Variants in RGS7BP observed in about 807,000 individuals in gnomAD.
RGS7BP encodes the protein regulator of G protein signaling 7-binding protein.
RGS7BP carries 9 observed loss-of-function variants against 31.3 expected under a neutral mutation model. That is an observed-to-expected ratio of 0.29 (90% confidence interval 0.17 to 0.50). The LOEUF (loss-of-function observed/expected upper bound fraction) is 0.50. Among genes scored for constraint, RGS7BP ranks in the 20% least tolerant of loss-of-function variants. The pLI, the probability that RGS7BP is intolerant of heterozygous loss-of-function variation, is 0.98. For missense variants in RGS7BP, 274 were observed against 322.0 expected (o/e 0.85, Z 1.14); for synonymous variants, 115 against 120.1 (o/e 0.96, Z 0.28).
Position 64,575,876 on chromosome 5 carries a change from G to T in RGS7BP, c.435G>T (p.Leu145=), listed in dbSNP as rs747267722. ...YTTEMLKSIC[L]LGSLQFHRKG... ...CAGAGATGCTAAAATCCATATGTCT[G>T]CTGGGGTCTCTTCAGTTTCATCGAA... The change falls in exon 3 of 6, where the codon CTG becomes CTT. Residue 145 remains leucine, a synonymous_variant. Transcript: ENST00000334025. 8 of 1,612,548 alleles carry T rather than the reference G, an allele frequency of 5.0e-6. No individual in the cohort carries two copies. Among genetic ancestry groups the T allele is most frequent in the African/African-American group, 1.3e-5 (1 of 74,804 alleles).
chr5:64,533,187 T>C (rs1308746253), intron 2 of RGS7BP, among the ~76,000 whole-genome samples: 1 of 152,164 alleles, frequency 6.6e-6, no homozygotes, highest in African/African-American at 2.4e-5. Context: ...GACCTTCATC[T>C]TCCACCTGCA....
At chr5:64,570,796 A>G (rs1742284965) in intron 2 of RGS7BP, among the ~76,000 whole-genome samples, 1 of 152,176 alleles carries the variant, frequency 6.6e-6, no homozygotes, top group South Asian at 2.1e-4. Context: ...ACATTTTACG[A>G]TATTTGCTTT....
intron 2 of RGS7BP, among the ~76,000 whole-genome samples, chr5:64,535,764 A>G (rs1189217820): frequency 6.6e-6 from 1 of 152,212 alleles, no homozygotes; most frequent in African/African-American, 2.4e-5. Flanking sequence ...TGGAGATTAA[A>G]TGGTCCTGCC....
chr5:64,586,143 T>G (rs1742744978), intron 3 of RGS7BP, among the ~76,000 whole-genome samples: 1 of 152,204 alleles, frequency 6.6e-6, no homozygotes, highest in Non-Finnish European at 1.5e-5. Flanking sequence ...AAACAAGTAC[T>G]GAATTCTGAG....
intron 2 of RGS7BP, among the ~76,000 whole-genome samples, chr5:64,552,034 T>C (rs1741806690): frequency 6.6e-6 from 1 of 152,224 alleles, no homozygotes; most frequent in African/African-American, 2.4e-5. Context: ...GCTGGATATG[T>C]GCCTTTATCA....
At chr5:64,514,934 C>G (rs1394390864) in intron 2 of RGS7BP, among the ~76,000 whole-genome samples, 3 of 152,176 alleles carry the variant, frequency 2.0e-5, no homozygotes, top group African/African-American at 7.2e-5. Context: ...AGTTTAGCCA[C>G]TTTATGTTTT....
At chr5:64,533,872 C>T (rs1410917439) in intron 2 of RGS7BP, among the ~76,000 whole-genome samples, 3 of 152,124 alleles carry the variant, frequency 2.0e-5, no homozygotes, top group Admixed American at 2.0e-4. Context: ...TACTATGTAC[C>T]AGGCACTGGG....
intron 5 of RGS7BP, 57 bp from the exon 6 acceptor site, chr5:64,609,104 A>G: frequency 9.0e-7 from 1 of 1,109,186 alleles, no homozygotes; most frequent in South Asian, 1.2e-5. Flanking sequence ...GCCACTTCCT[A>G]AAAAGCAGGT....
chr5:64,572,370 A>AT (rs1287142490), intron 2 of RGS7BP, among the ~76,000 whole-genome samples: 1 of 152,188 alleles, frequency 6.6e-6, no homozygotes, highest in Non-Finnish European at 1.5e-5. Context: ...ATTATAACTC[A>AT]TTTGACAACT....
At position 64,506,810 on chromosome 5, in the gene RGS7BP, T is replaced by A; in HGVS notation, c.165+21T>A. The A allele has an allele frequency of 2.9e-6, 1 of 350,098 alleles. No individual in the cohort carries two copies. The highest frequency in any genetic ancestry group is 4.0e-6 in the Non-Finnish European group (1 of 247,858). The allele number at this position is 350,098 out of a possible 1,614,324, so 21.7% of individuals were successfully genotyped here. On this transcript the variant is annotated intron_variant, in intron 1 of 5. Transcript: ENST00000334025. The surrounding 1 kb of genome is among the most constrained non-coding windows in gnomAD (Gnocchi z 4.6). ...AGATGGTGGGTGAAAACTGCGCCTC[T>A]TTTTTTTTTTTTTTAATTGAGAGGG...
intron 2 of RGS7BP, chr5:64,539,693 T>A (rs1041633208): frequency 2.0e-5 from 3 of 152,174 alleles, no homozygotes; most frequent in African/African-American, 7.2e-5. Context: ...CAGCCTAGGT[T>A]GTAAATGGAG....
chr5:64,568,456 T>G (rs1454475464), intron 2 of RGS7BP, among the ~76,000 whole-genome samples: 1 of 152,200 alleles, frequency 6.6e-6, no homozygotes, highest in Non-Finnish European at 1.5e-5. Flanking sequence ...AAAGACATTT[T>G]ATTTTAAAGA....
chr5:64,543,331 TA>T (rs1741572658), intron 2 of RGS7BP, among the ~76,000 whole-genome samples: 1 of 152,268 alleles, frequency 6.6e-6, no homozygotes, highest in Admixed American at 6.5e-5. Context: ...TGACAGAAAC[TA>T]ATGCTGAATC....
intron 2 of RGS7BP, among the ~76,000 whole-genome samples, chr5:64,556,768 T>C (rs1351189075): frequency 6.6e-6 from 1 of 152,056 alleles, no homozygotes; most frequent in Non-Finnish European, 1.5e-5. Context: ...CTATTATTTT[T>C]ATTTGACATT....
At chr5:64,593,247 C>T (rs1371997283) in intron 3 of RGS7BP, among the ~76,000 whole-genome samples, 1 of 152,182 alleles carries the variant, frequency 6.6e-6, no homozygotes, top group Non-Finnish European at 1.5e-5. Flanking sequence ...AATTGCTTTG[C>T]TCTTTCTCCT....
At chr5:64,530,888 G>A (rs1561324486) in intron 2 of RGS7BP, among the ~76,000 whole-genome samples, 2 of 152,132 alleles carry the variant, frequency 1.3e-5, no homozygotes, top group African/African-American at 4.8e-5. Context: ...CAAGAGAAAA[G>A]GGGTTGGAAA....
intron 2 of RGS7BP, among the ~76,000 whole-genome samples, chr5:64,557,974 A>C (rs528981138): frequency 6.6e-6 from 1 of 152,146 alleles, no homozygotes; most frequent in Non-Finnish European, 1.5e-5. Context: ...AACCTTGCAC[A>C]GTAAAACCTG....
chr5:64,568,998 G>T (rs1436629833), intron 2 of RGS7BP, among the ~76,000 whole-genome samples: 2 of 152,078 alleles, frequency 1.3e-5, no homozygotes, highest in African/African-American at 4.8e-5. Flanking sequence ...ACTGTAAAAG[G>T]TGCTGGCCCC....
At chr5:64,555,994 G>T (rs946187370) in intron 2 of RGS7BP, among the ~76,000 whole-genome samples, 1 of 152,048 alleles carries the variant, frequency 6.6e-6, no homozygotes, top group Non-Finnish European at 1.5e-5. Flanking sequence ...AGGAAATTCT[G>T]TCGATTTGTG....
Sources: allele counts gnomAD v4.1 joint callset (sites outside exome capture counted in the v4.1 genomes callset), GRCh38; gene constraint gnomAD v4.1.1; non-coding constraint Gnocchi (gnomAD v3.1); transcripts MANE v1.5; gene names NCBI Gene and HGNC (gene_info 2026-07-23, HGNC 2026-07-21).